MACROD2: variants seen among roughly 807,000 people sequenced by gnomAD.
The protein encoded by MACROD2 is mono-ADP ribosylhydrolase 2, also known as ADP-ribose glycohydrolase MACROD2.
Under a neutral mutation model 70.4 loss-of-function variants are expected in MACROD2, and 36 were observed. The ratio of observed to expected loss-of-function variants is 0.51; its 90% CI spans 0.39 to 0.68. The LOEUF (loss-of-function observed/expected upper bound fraction) is 0.68. Ranked by LOEUF, MACROD2 falls within the 30% of genes least tolerant of loss-of-function variation. The pLI, the probability that MACROD2 is intolerant of heterozygous loss-of-function variation, is 0.00. For missense variants in MACROD2, 496 were observed against 538.4 expected (o/e 0.92, Z 0.78); for synonymous variants, 172 against 178.8 (o/e 0.96, Z 0.30).
intron 5 of MACROD2, among the ~76,000 whole-genome samples, chr20:14,769,709 C>A (rs1385319711): frequency 6.6e-6 from 1 of 152,088 alleles, no homozygotes; most frequent in African/African-American, 2.4e-5. Context: ...TGGTTGAGAT[C>A]ATTTTCTTGA....
At chr20:14,415,854 AG>A (rs1429197311) in intron 3 of MACROD2, among the ~76,000 whole-genome samples, 2 of 152,168 alleles carry the variant, frequency 1.3e-5, no homozygotes, top group Non-Finnish European at 2.9e-5. Context: ...AAATACTCAA[AG>A]TCCAGCTGCA....
chr20:14,085,822 G>T, intron 3 of MACROD2, 94 bp downstream of exon 3: 1 of 651,602 alleles, frequency 1.5e-6, no homozygotes, highest in South Asian at 3.5e-5. Context: ...AGAAAAAAAT[G>T]CTTTTTGACG....
intron 5 of MACROD2, among the ~76,000 whole-genome samples, chr20:14,944,954 A>G (rs1457024697): frequency 6.6e-6 from 1 of 152,066 alleles, no homozygotes; most frequent in African/African-American, 2.4e-5. Context: ...CCTGCATTCA[A>G]CTTGCTATTT....
intron 8 of MACROD2, among the ~76,000 whole-genome samples, chr20:15,575,969 T>A (rs960056937): frequency 2.0e-5 from 3 of 152,218 alleles, no homozygotes; most frequent in Non-Finnish European, 4.4e-5. Context: ...ACTTTTAAAA[T>A]AATAATTTTG....
rs947440519 is a variant in MACROD2, at chr20:15,114,083, A to G, written c.419-115857A>G. Among the ~76,000 whole-genome samples, 5 of 152,052 alleles carry G rather than the reference A, an allele frequency of 3.3e-5. No individual in the cohort carries two copies. In the East Asian group the frequency reaches 9.7e-4, roughly 29 times the overall value. On this transcript the variant is annotated intron_variant, in intron 5 of 17. Coordinates refer to ENST00000684519, the MANE Select transcript of MACROD2 (RefSeq NM_001351661.2). ...CTATCCAAGGATTCATCAAATTGTG[A>G]CTCACAGGGTGGAGAAGGCTGGCTT...
At chr20:15,310,589 T>C (rs572633088) in intron 6 of MACROD2, among the ~76,000 whole-genome samples, 1 of 152,286 alleles carries the variant, frequency 6.6e-6, no homozygotes, top group East Asian at 1.9e-4. Flanking sequence ...TTTAAGGAAG[T>C]GTTAATCAGC....
At chr20:14,722,862 G>T (rs1180059589) in intron 5 of MACROD2, among the ~76,000 whole-genome samples, 1 of 152,092 alleles carries the variant, frequency 6.6e-6, no homozygotes, top group Non-Finnish European at 1.5e-5. Flanking sequence ...TTTATCTTCT[G>T]CCAAAGATAG....
chr20:14,896,140 C>T (rs1428328042), intron 5 of MACROD2, among the ~76,000 whole-genome samples: 2 of 152,064 alleles, frequency 1.3e-5, no homozygotes, highest in East Asian at 1.9e-4. Context: ...ACTAAAAATA[C>T]AAAAATTAGC....
chr20:14,967,881 T>C (rs1190794713), intron 5 of MACROD2, among the ~76,000 whole-genome samples: 1 of 152,162 alleles, frequency 6.6e-6, no homozygotes, highest in Non-Finnish European at 1.5e-5. Context: ...CCCGATAGTG[T>C]TGTTACCAGG....
chr20:14,167,543 C>G (rs1601303343), intron 3 of MACROD2, among the ~76,000 whole-genome samples: 1 of 151,774 alleles, frequency 6.6e-6, no homozygotes, highest in South Asian at 2.1e-4. Context: ...ACCACCATGC[C>G]CAGCTAATTT....
In MACROD2 at chr20:14,834,796, T is replaced by C. The variant is rs6042945; in HGVS notation, c.418+149837T>C. Among the ~76,000 whole-genome samples, 1,405 of 152,114 alleles carry C rather than the reference T, an allele frequency of 9.2e-3. 31 individuals are homozygous for C. The highest frequency in any genetic ancestry group is 0.031 in the African/African-American group (1,278 of 41,512). On this transcript the variant is annotated intron_variant, in intron 5 of 17. Coordinates refer to ENST00000684519, the MANE Select transcript of MACROD2 (RefSeq NM_001351661.2). ...AAATTAGGTAGTGATTCAAAGTGTG[T>C]TTTAAATTATTCCTCTCTTTTCATT...
intron 3 of MACROD2, among the ~76,000 whole-genome samples, chr20:14,304,294 A>G (rs1256539600): frequency 6.6e-6 from 1 of 152,202 alleles, no homozygotes; most frequent in Non-Finnish European, 1.5e-5. Flanking sequence ...TGCCCAGCCC[A>G]GAGCAGTCTA....
intron 4 of MACROD2, among the ~76,000 whole-genome samples, chr20:14,593,033 C>G (rs2423835): frequency 0.99 from 151,217 of 152,304 alleles, 75,078 homozygotes; most frequent in Middle Eastern, 1. Flanking sequence ...ATATATTATG[C>G]TGTGAGTCAT....
chr20:15,486,202 G>A (rs1253145099), intron 7 of MACROD2, among the ~76,000 whole-genome samples: 1 of 152,078 alleles, frequency 6.6e-6, no homozygotes, highest in Non-Finnish European at 1.5e-5. Context: ...AGTTCCAGGG[G>A]CAGAGAGGGG....
chr20:14,326,813 G>C lies in MACROD2; in HGVS notation c.272-166666G>C. On this transcript the variant is annotated intron_variant, in intron 3 of 17. Coordinates refer to ENST00000684519, the MANE Select transcript of MACROD2 (RefSeq NM_001351661.2). This position sits in a 1 kb window ranked among gnomAD's most constrained non-coding sequence, Gnocchi z 5.5. ...GCAGCAGTCAGGGAATTCCGCACCA[G>C]GGACAGCTCTGTCAAATTAACTAGG... 1 of 1,613,746 alleles carries C rather than the reference G, an allele frequency of 6.2e-7. No homozygotes were observed. Among genetic ancestry groups the C allele is most frequent in the African/African-American group, 1.3e-5 (1 of 75,016 alleles).
intron 7 of MACROD2, among the ~76,000 whole-genome samples, chr20:15,459,056 T>G (rs2046773314): frequency 6.6e-6 from 1 of 152,082 alleles, no homozygotes; most frequent in South Asian, 2.1e-4. Flanking sequence ...GGATAGAAGT[T>G]GAAATATTAT....
chr20:15,613,264 C>T (rs2048994351), intron 8 of MACROD2, among the ~76,000 whole-genome samples: 1 of 152,120 alleles, frequency 6.6e-6, no homozygotes. Context: ...CTAAAATTTC[C>T]AACGTCTTTG....
chr20:14,651,762 T>A (rs1230920762), intron 4 of MACROD2, among the ~76,000 whole-genome samples: 2 of 152,126 alleles, frequency 1.3e-5, no homozygotes, highest in African/African-American at 2.4e-5. Flanking sequence ...GCTGTGGCAA[T>A]CAGTTCTGCA....
intron 3 of MACROD2, among the ~76,000 whole-genome samples, chr20:14,168,868 C>T (rs1302891788): frequency 6.6e-6 from 1 of 152,144 alleles, no homozygotes; most frequent in Non-Finnish European, 1.5e-5. Context: ...GCCAGTGTCT[C>T]CCTAATACAA....
Sources: allele counts gnomAD v4.1 joint callset (sites outside exome capture counted in the v4.1 genomes callset), GRCh38; gene constraint gnomAD v4.1.1; non-coding constraint Gnocchi (gnomAD v3.1); transcripts MANE v1.5; gene names NCBI Gene and HGNC (gene_info 2026-07-23, HGNC 2026-07-21).